CFAP20DC: variants seen among roughly 807,000 people sequenced by gnomAD.
CFAP20DC encodes protein CFAP20DC.
CFAP20DC carries 84 observed loss-of-function variants against 101.7 expected under a neutral mutation model. The ratio of observed to expected loss-of-function variants is 0.83; its 90% CI spans 0.69 to 0.99. The LOEUF (loss-of-function observed/expected upper bound fraction) is 0.99, where lower values mean the gene tolerates loss of function less well. Among genes scored for constraint, CFAP20DC ranks in the 50% least tolerant of loss-of-function variants. CFAP20DC has a pLI of 0.00. For missense variants in CFAP20DC, 1,007 were observed against 970.3 expected (o/e 1.04, Z -0.50); for synonymous variants, 359 against 351.2 (o/e 1.02, Z -0.25).
At chr3:58,847,209 A>T (rs1164254444) in intron 13 of CFAP20DC, among the ~76,000 whole-genome samples, 1 of 130,492 alleles carries the variant, frequency 7.7e-6, no homozygotes, top group Non-Finnish European at 1.6e-5. Flanking sequence ...AAAAGAAACT[A>T]CCATCAGAGT....
chr3:58,732,699 G>A lies in CFAP20DC; in HGVS notation c.198-15071C>T, dbSNP rs576432720. 2.0e-5 allele frequency among the ~76,000 whole-genome samples: 3 copies of A among 152,230 alleles called. No homozygotes were observed. The highest frequency in any genetic ancestry group is 1.9e-4 in the East Asian group (1 of 5,184). ...TAACACCCAACGTGGCACGAAAGCC[G>A]TGGCAAAAACAGTTACTCAAAGGAA... On this transcript the variant is annotated intron_variant, in intron 3 of 3. Transcript: ENST00000486145. The surrounding 1 kb of genome is among the most constrained non-coding windows in gnomAD (Gnocchi z 5.4).
rs17059880 is a variant in CFAP20DC, at chr3:58,848,309, G to C, written c.1971+723C>G. 2.1e-3 allele frequency among the ~76,000 whole-genome samples: 312 copies of C among 152,178 alleles called. 3 individuals carry two copies. Among genetic ancestry groups the C allele is most frequent in the African/African-American group, 7.3e-3 (305 of 41,530 alleles). ...CAATTAATCCACTCTAACTTGCTTA[G>C]AACATACTTGAACCAAAGCTTTACA... On this transcript the variant is annotated intron_variant, in intron 13 of 16. Transcript: ENST00000482387.
intron 13 of CFAP20DC, among the ~76,000 whole-genome samples, chr3:58,846,399 G>C (rs2077646046): frequency 6.6e-6 from 1 of 151,862 alleles, no homozygotes; most frequent in Non-Finnish European, 1.5e-5. Context: ...AATCATGAGT[G>C]AACTCCCATT....
chr3:58,956,784 C>G (rs1211428362), intron 4 of CFAP20DC, among the ~76,000 whole-genome samples: 2 of 152,188 alleles, frequency 1.3e-5, no homozygotes, highest in African/African-American at 2.4e-5. Flanking sequence ...AAGAAACTTA[C>G]CATCATGGCA....
rs75187956 is a variant in CFAP20DC at position 58,946,882 on chromosome 3, C to G, written c.279-9120G>C. ...CAACATCTAAATCCCTACCATGTGC[C>G]AGAACCTGCATACCATTTTACCTGT... On this transcript the variant is annotated intron_variant, in intron 4 of 16. Coordinates refer to ENST00000482387, the MANE Select transcript of CFAP20DC (RefSeq NM_001394063.1). Among the ~76,000 whole-genome samples the G allele has an allele frequency of 9.9e-3, 1,514 of 152,296 alleles. 28 individuals carry two copies. The highest frequency in any genetic ancestry group is 0.034 in the African/African-American group (1,420 of 41,554).
In CFAP20DC at chr3:59,002,135, T is replaced by G. The variant is rs2093329284; in HGVS notation, c.278+37422A>C. ...TGAGTTGGGGATCCCAGCTCTGTTA[T>G]CCCACTGACAAGCCTTCACAAAGTT... On this transcript the variant is annotated intron_variant, in intron 4 of 16. Coordinates refer to ENST00000482387, the MANE Select transcript of CFAP20DC (RefSeq NM_001394063.1). The surrounding 1 kb of genome is among the most constrained non-coding windows in gnomAD (Gnocchi z 4.5). Among the ~76,000 whole-genome samples, 1 of 152,168 alleles carries G rather than the reference T, an allele frequency of 6.6e-6. No individual in the cohort carries two copies. The highest frequency in any genetic ancestry group is 2.4e-5 in the African/African-American group (1 of 41,446).
At chr3:58,844,057 TC>T (rs2108230446) in intron 13 of CFAP20DC, among the ~76,000 whole-genome samples, 1 of 94,406 alleles carries the variant, frequency 1.1e-5, no homozygotes, top group East Asian at 3.0e-4. Flanking sequence ...CGCTGCAAAA[TC>T]ATGCCAAAAT....
At position 58,882,331 on chromosome 3, in the gene CFAP20DC, C is replaced by T. The variant is rs922876696; in HGVS notation, c.715+2214G>A. Among the ~76,000 whole-genome samples the T allele has an allele frequency of 3.3e-5, 5 of 152,062 alleles. No homozygotes were observed. The highest frequency in any genetic ancestry group is 1.2e-4 in the African/African-American group (5 of 41,416). ...TGCAATTAATATTTATCCAAATTCC[C>T]ATTTAATTTCACACATTATAAGTGT... On this transcript the variant is annotated intron_variant, in intron 7 of 16. Coordinates refer to ENST00000482387, the MANE Select transcript of CFAP20DC (RefSeq NM_001394063.1). This position sits in a 1 kb window ranked among gnomAD's most constrained non-coding sequence, Gnocchi z 4.2.
intron 5 of CFAP20DC, among the ~76,000 whole-genome samples, chr3:58,935,802 T>C (rs1280386893): frequency 5.0e-4 from 76 of 152,168 alleles, no homozygotes; most frequent in African/African-American, 1.5e-3. Context: ...AAACGTTAGA[T>C]CTAAAACCAT....
intron 15 of CFAP20DC, among the ~76,000 whole-genome samples, chr3:58,773,388 C>CA (rs752693103): frequency 0.02 from 1,941 of 98,950 alleles, 37 homozygotes; most frequent in African/African-American, 0.06. Flanking sequence ...TCATCTCTAG[C>CA]AAAAAAAAAA....
At chr3:58,842,957 C>T (rs2077276224) in intron 13 of CFAP20DC, among the ~76,000 whole-genome samples, 1 of 151,796 alleles carries the variant, frequency 6.6e-6, no homozygotes, top group African/African-American at 2.4e-5. Flanking sequence ...AGGGTCCTGT[C>T]TGTTAGAAGG....
intron 14 of CFAP20DC, among the ~76,000 whole-genome samples, chr3:58,823,026 T>A (rs932873251): frequency 6.6e-6 from 1 of 152,156 alleles, no homozygotes; most frequent in Admixed American, 6.6e-5. Flanking sequence ...CATTAGCTCA[T>A]ATCTCCTTTG....
chr3:58,889,141 T>C (rs1218869273), intron 6 of CFAP20DC, among the ~76,000 whole-genome samples: 1 of 152,236 alleles, frequency 6.6e-6, no homozygotes. Flanking sequence ...CAAAATCCAA[T>C]GTGAATTTTA....
chr3:58,974,163 C>A (rs942372195), intron 4 of CFAP20DC, among the ~76,000 whole-genome samples: 1 of 152,038 alleles, frequency 6.6e-6, no homozygotes, highest in Non-Finnish European at 1.5e-5. Context: ...GGGTGAGTTG[C>A]GTGTCACTGA....
intron 15 of CFAP20DC, among the ~76,000 whole-genome samples, chr3:58,766,958 C>T (rs528568529): frequency 5.9e-5 from 9 of 152,354 alleles, no homozygotes; most frequent in African/African-American, 2.2e-4. Flanking sequence ...TTCACTCCTT[C>T]TTTTAGAGCA....
chr3:58,948,396 A>G (rs899153303), intron 4 of CFAP20DC, among the ~76,000 whole-genome samples: 2 of 152,186 alleles, frequency 1.3e-5, no homozygotes, highest in Non-Finnish European at 2.9e-5. Flanking sequence ...GACTTGCTAC[A>G]GCATGTTTTT....
At chr3:58,917,038 C>T (rs2084809943) in intron 5 of CFAP20DC, among the ~76,000 whole-genome samples, 1 of 152,058 alleles carries the variant, frequency 6.6e-6, no homozygotes, top group Non-Finnish European at 1.5e-5. Flanking sequence ...ATAACTTGAT[C>T]TAAAATATCT....
rs568133123 is a variant in CFAP20DC, at chr3:58,762,145, T to C, written c.2238-8282A>G. On this transcript the variant is annotated intron_variant, in intron 15 of 16. Transcript: ENST00000482387. ...TAATGTTGACAGTGGGGTGTTAAAG[T>C]CTCCCATTATTATTGTGTGGGAGTC... 5.0e-3 allele frequency among the ~76,000 whole-genome samples: 764 copies of C among 152,294 alleles called. 4 individuals carry two copies. The highest frequency in any genetic ancestry group is 0.017 in the African/African-American group (691 of 41,536).
At chr3:58,959,516 A>G (rs919660822) in intron 4 of CFAP20DC, among the ~76,000 whole-genome samples, 1 of 152,222 alleles carries the variant, frequency 6.6e-6, no homozygotes, top group Non-Finnish European at 1.5e-5. Context: ...TTGTTGAAAA[A>G]AACCTAGTCT....
Sources: allele counts gnomAD v4.1 joint callset (sites outside exome capture counted in the v4.1 genomes callset), GRCh38; gene constraint gnomAD v4.1.1; non-coding constraint Gnocchi (gnomAD v3.1); transcripts MANE v1.5; gene names NCBI Gene and HGNC (gene_info 2026-07-23, HGNC 2026-07-21).